Variants in ANKFN1 observed in about 807,000 individuals in gnomAD.
ANKFN1 encodes ankyrin repeat and fibronectin type-III domain-containing protein 1.
In ANKFN1, 74 loss-of-function variants were observed where a neutral mutation model predicts 108.7. That is an observed-to-expected ratio of 0.68 (90% CI 0.56 to 0.83). ANKFN1 has a LOEUF of 0.83. Ranked by LOEUF, ANKFN1 falls within the 40% of genes least tolerant of loss-of-function variation. The pLI is 0.00. For missense variants in ANKFN1, 1,505 were observed against 1,382.3 expected (o/e 1.09, Z -1.41); for synonymous variants, 547 against 516.2 (o/e 1.06, Z -0.81).
chr17:56,491,284 G>C (rs4794642), intron 18 of ANKFN1, among the ~76,000 whole-genome samples: 80,298 of 151,970 alleles, frequency 0.53, 24,770 homozygotes, highest in East Asian at 0.87. Context: ...AGTAAAAGAG[G>C]TTCTTGAAGA....
Position 56,420,686 on chromosome 17 carries a change from T to C in ANKFN1, c.911-19641T>C, listed in dbSNP as rs1018964799. 5.0e-4 allele frequency among the ~76,000 whole-genome samples: 56 copies of C among 112,888 alleles called. 1 individual carries two copies. In the East Asian group the frequency reaches 9.2e-3, roughly 19 times the overall value. The allele number at this position is 112,888 out of a possible 152,430, so 74.1% of individuals were successfully genotyped here. On this transcript the variant is annotated intron_variant, in intron 8 of 20. Coordinates refer to ENST00000682825, the MANE Select transcript of ANKFN1 (RefSeq NM_001370326.1). ...ATGTTGCTTCTTCTGACTCCTTCTT[T>C]TTTTTTTTTTTTTTTTTATTGTTGT...
intron 4 of ANKFN1, among the ~76,000 whole-genome samples, chr17:56,141,050 G>A (rs1413611357): frequency 6.6e-6 from 1 of 152,114 alleles, no homozygotes; most frequent in Non-Finnish European, 1.5e-5. Flanking sequence ...CTTTCTGGAT[G>A]TGCACCCAGA....
intron 3 of ANKFN1, among the ~76,000 whole-genome samples, chr17:56,238,480 T>C (rs1567856945): frequency 6.6e-6 from 1 of 152,206 alleles, no homozygotes; most frequent in South Asian, 2.1e-4. Flanking sequence ...TGAGTATATA[T>C]ATATTTAGGA....
chr17:56,270,544 C>G (rs529371488), intron 3 of ANKFN1, among the ~76,000 whole-genome samples: 2 of 152,182 alleles, frequency 1.3e-5, no homozygotes, highest in African/African-American at 4.8e-5. Context: ...GGTGGCTCTG[C>G]GTCCACTCTT....
chr17:56,326,022 G>T (rs146088030), intron 3 of ANKFN1, among the ~76,000 whole-genome samples, 199 bp from the exon 4 acceptor site: 1 of 152,136 alleles, frequency 6.6e-6, no homozygotes, highest in African/African-American at 2.4e-5. Context: ...TTCACTACAC[G>T]CACACAAGCT....
chr17:56,256,525 A>G (rs1328770649), intron 3 of ANKFN1, among the ~76,000 whole-genome samples: 1 of 152,202 alleles, frequency 6.6e-6, no homozygotes, highest in Non-Finnish European at 1.5e-5. Flanking sequence ...TAAGAATTGT[A>G]GGAAGTGAGG....
At chr17:56,351,976 G>A (rs562534303) in intron 5 of ANKFN1, among the ~76,000 whole-genome samples, 14 of 152,254 alleles carry the variant, frequency 9.2e-5, no homozygotes, top group African/African-American at 2.6e-4. Context: ...TACGGCACAT[G>A]AGAAATTAGG....
intron 4 of ANKFN1, among the ~76,000 whole-genome samples, chr17:56,129,703 G>A (rs2143338272): frequency 6.6e-6 from 1 of 152,274 alleles, no homozygotes; most frequent in African/African-American, 2.4e-5. Flanking sequence ...TCTCAACGCT[G>A]TGGTTTTTAG....
intron 1 of ANKFN1, among the ~76,000 whole-genome samples, chr17:56,156,858 C>G (rs938725935): frequency 2.0e-5 from 3 of 152,222 alleles, no homozygotes; most frequent in African/African-American, 4.8e-5. Context: ...TCTGTGGCTG[C>G]TTTCACACCA....
intron 8 of ANKFN1, among the ~76,000 whole-genome samples, chr17:56,397,916 A>G (rs1208993483): frequency 6.6e-6 from 1 of 152,148 alleles, no homozygotes; most frequent in Non-Finnish European, 1.5e-5. Flanking sequence ...AGCGGTTTTC[A>G]AACATCTATA....
At chr17:56,463,502 C>G (rs1003374975) in intron 14 of ANKFN1, among the ~76,000 whole-genome samples, 5 of 152,118 alleles carry the variant, frequency 3.3e-5, no homozygotes, top group African/African-American at 4.8e-5. Flanking sequence ...ATAAGTATCT[C>G]AGCATGTGGG....
chr17:56,214,886 T>C (rs1915309406), intron 2 of ANKFN1, among the ~76,000 whole-genome samples: 1 of 152,186 alleles, frequency 6.6e-6, no homozygotes, highest in Non-Finnish European at 1.5e-5. Context: ...ATACAGCTAT[T>C]AAAAATAAGG....
chr17:56,466,464 T>G lies in ANKFN1; in HGVS notation c.1666T>G (p.Phe556Val), dbSNP rs145526038. Residue 556 changes from phenylalanine to valine, a missense_variant, in exon 15 of 21, where the codon TTT becomes GTT. Transcript: ENST00000682825. ...TIREVEMLYSFFNGKWMQISK... is the reference protein window; with the variant it reads ...TIREVEMLYSVFNGKWMQISK... ...CAGGGAGGTGGAGATGCTTTATTCATTTTTTAATGGCAAATGGATGCAGAT... is the reference window on the plus strand; with the variant it reads ...CAGGGAGGTGGAGATGCTTTATTCAGTTTTTAATGGCAAATGGATGCAGAT... 1,358 of 1,614,122 alleles carry G rather than the reference T, an allele frequency of 8.4e-4. 13 individuals are homozygous for G. The South Asian group carries it at 8.7e-3, about 10-fold the overall frequency.
chr17:56,509,368 A>G (rs1474533997), intron 20 of ANKFN1, among the ~76,000 whole-genome samples: 1 of 152,210 alleles, frequency 6.6e-6, no homozygotes, highest in Non-Finnish European at 1.5e-5. Flanking sequence ...TGTGGCTTCT[A>G]TCTCCAAGGT....
At chr17:56,204,791 A>G (rs1914378864) in intron 1 of ANKFN1, among the ~76,000 whole-genome samples, 1 of 152,152 alleles carries the variant, frequency 6.6e-6, no homozygotes, top group Middle Eastern at 3.4e-3. Flanking sequence ...AAAACTTTGT[A>G]CTGGCTGGGC....
chr17:56,265,434 A>G (rs1208688800), intron 3 of ANKFN1, among the ~76,000 whole-genome samples: 1 of 152,140 alleles, frequency 6.6e-6, no homozygotes, highest in Non-Finnish European at 1.5e-5. Context: ...TGATCCAATC[A>G]CTTCCCACCA....
intron 14 of ANKFN1, among the ~76,000 whole-genome samples, chr17:56,458,705 G>A (rs1012020377): frequency 6.6e-6 from 1 of 151,998 alleles, no homozygotes; most frequent in Non-Finnish European, 1.5e-5. Context: ...AAAAATATCT[G>A]CTACATGGGA....
intron 2 of ANKFN1, among the ~76,000 whole-genome samples, chr17:56,214,923 A>G (rs1263424441): frequency 6.6e-6 from 1 of 152,264 alleles, no homozygotes; most frequent in African/African-American, 2.4e-5. Flanking sequence ...ACTGATATGT[A>G]TAACCCAATT....
intron 4 of ANKFN1, among the ~76,000 whole-genome samples, chr17:56,119,080 T>A (rs897337592): frequency 5.9e-5 from 9 of 152,064 alleles, no homozygotes; most frequent in Non-Finnish European, 1.3e-4. Context: ...TAGGGATCTG[T>A]GAGACATAAA....
Sources: gnomAD v4.1 joint callset for allele counts (sites outside exome capture counted in the v4.1 genomes callset) on GRCh38, gnomAD v4.1.1 for gene constraint, MANE v1.5 for transcripts, NCBI Gene and HGNC (gene_info 2026-07-23, HGNC 2026-07-21) for gene names.